The following CRYZL1 variants were observed in gnomAD, a reference collection of about 807,000 sequenced individuals.
CRYZL1 encodes the protein crystallin zeta like 1.
A neutral mutation model predicts 50.6 loss-of-function variants in CRYZL1; 34 were observed. The ratio of observed to expected loss-of-function variants is 0.67; its 90% CI spans 0.51 to 0.89. CRYZL1 has a LOEUF of 0.89. Ranked by LOEUF, CRYZL1 falls within the 40% of genes least tolerant of loss-of-function variation. The probability of loss-of-function intolerance (pLI) is 0.00; values close to 1 mark genes in which losing one functional copy is unlikely to be tolerated. For synonymous variants in CRYZL1, 125 were observed against 134.3 expected, an observed-to-expected ratio of 0.93 and a Z score of 0.48; for missense variants, 354 against 402.3, an observed-to-expected ratio of 0.88 and a Z score of 1.03.
chr21:33,638,036 G>A (rs957393265), intron 1 of CRYZL1, among the ~76,000 whole-genome samples: 7 of 151,866 alleles, frequency 4.6e-5, no homozygotes, highest in African/African-American at 1.7e-4. Context: ...TTTTAACAAT[G>A]TTCACATTAA....
chr21:33,600,630 T>C (rs1019223339), intron 8 of CRYZL1, among the ~76,000 whole-genome samples: 2 of 141,248 alleles, frequency 1.4e-5, no homozygotes, highest in African/African-American at 5.2e-5. Flanking sequence ...CCATTCATGC[T>C]TTTTTTTTTT....
chr21:33,614,759 A>T (rs1359382930), intron 5 of CRYZL1, among the ~76,000 whole-genome samples: 3 of 151,994 alleles, frequency 2.0e-5, no homozygotes, highest in African/African-American at 7.3e-5. Context: ...ATTAGTAGAG[A>T]CACAGTTTCA....
chr21:33,628,191 A>C (rs2087092152), intron 2 of CRYZL1, among the ~76,000 whole-genome samples: 2 of 152,242 alleles, frequency 1.3e-5, no homozygotes, highest in Admixed American at 1.3e-4. Context: ...ACCCTGAGGA[A>C]CTAAAAACTC....
intron 6 of CRYZL1, among the ~76,000 whole-genome samples, chr21:33,608,947 G>A (rs1299916847): frequency 1.3e-5 from 2 of 152,184 alleles, no homozygotes; most frequent in Non-Finnish European, 2.9e-5. Context: ...CATAATGACT[G>A]TACTAGTTTA....
intron 9 of CRYZL1, among the ~76,000 whole-genome samples, chr21:33,598,771 C>T (rs867127539): frequency 3.3e-5 from 5 of 150,934 alleles, no homozygotes; most frequent in South Asian, 2.1e-4. Flanking sequence ...AACACAAATT[C>T]GTAACTTTCT....
intron 3 of CRYZL1, among the ~76,000 whole-genome samples, chr21:33,622,876 C>G (rs1255633649): frequency 6.6e-6 from 1 of 151,656 alleles, no homozygotes; most frequent in Non-Finnish European, 1.5e-5. Context: ...GGTCAGAAGT[C>G]TCTTTTTCAA....
chr21:33,604,133 C>T (rs62227713), intron 6 of CRYZL1, among the ~76,000 whole-genome samples: 30,989 of 151,694 alleles, frequency 0.2, 3,734 homozygotes, highest in Non-Finnish European at 0.26. Flanking sequence ...TTTGGGAGGC[C>T]GAGGCGGGCG....
rs1188785012 is a variant in CRYZL1 at position 33,622,015 on chromosome 21, A to G, written c.198T>C (p.Ile66=). 5.0e-6 allele frequency: 8 copies of G among 1,611,382 alleles called. No homozygotes were observed. Among genetic ancestry groups the G allele is most frequent in the Non-Finnish European group, 6.8e-6 (8 of 1,177,756 alleles). The change falls in exon 4 of 13, where the codon ATT becomes ATC. Residue 66 remains isoleucine, a synonymous_variant. Transcript: ENST00000381554. ...KKDLFPVGRE[I]AGIVLDVGSK... ...ACTTACCATCTAATACAATTCCAGCAATTTCTCTCCCAACAGGAAATAAAT... is the reference window on the plus strand; with the variant it reads ...ACTTACCATCTAATACAATTCCAGCGATTTCTCTCCCAACAGGAAATAAAT...
At chr21:33,624,371 AC>A (rs1447993543) in intron 3 of CRYZL1, among the ~76,000 whole-genome samples, 1 of 152,064 alleles carries the variant, frequency 6.6e-6, no homozygotes, top group Admixed American at 6.6e-5. Context: ...ACATGGCAAA[AC>A]CCATTTTTAT....
Position 33,616,741 on chromosome 21 carries a change from T to A in CRYZL1, c.227A>T (p.Lys76Met), listed in dbSNP as rs2086938272. 6.2e-7 allele frequency: 1 copy of A among 1,606,454 alleles called. No homozygotes were observed. The highest frequency in any genetic ancestry group is 1.7e-5 in the Admixed American group (1 of 59,638). ...IAGIVLDVGS[K>M]VSFFQPDDEV... ...ATCATCTGGTTGAAAGAATGATACC[T>A]TGCTTCCAACTAAAGAGTGAAGAAA... is the stretch of plus-strand genomic sequence containing the variant. Residue 76 changes from lysine to methionine, a missense_variant, in exon 5 of 13, where the codon AAG (lysine) becomes ATG (methionine). Lys to Met is a moderately conservative substitution (Grantham distance 95). Coordinates refer to ENST00000381554, the MANE Select transcript of CRYZL1 (RefSeq NM_145858.3).
intron 6 of CRYZL1, 107 bp downstream of exon 6, chr21:33,613,427 CTTTA>C (rs2086893844): frequency 1.1e-5 from 8 of 699,216 alleles, no homozygotes; most frequent in Non-Finnish European, 1.9e-5. Flanking sequence ...GCTAATGATA[CTTTA>C]TTAAGTACAA....
intron 4 of CRYZL1, among the ~76,000 whole-genome samples, chr21:33,618,835 C>T (rs932346112): frequency 6.6e-6 from 1 of 152,000 alleles, no homozygotes; most frequent in Non-Finnish European, 1.5e-5. Context: ...TTCTTTCATA[C>T]TCCTCTTCTT....
chr21:33,596,985 TCA>T (rs1283990714), intron 10 of CRYZL1, among the ~76,000 whole-genome samples: 1 of 151,648 alleles, frequency 6.6e-6, no homozygotes, highest in African/African-American at 2.4e-5. Context: ...GCCTCAGCCC[TCA>T]GTCTCTCAAG....
chr21:33,612,042 T>C (rs1350060765), intron 6 of CRYZL1, among the ~76,000 whole-genome samples: 1 of 152,212 alleles, frequency 6.6e-6, no homozygotes, highest in African/African-American at 2.4e-5. Flanking sequence ...TGCTTGGTGA[T>C]GGACATTTGG....
intron 11 of CRYZL1, among the ~76,000 whole-genome samples, chr21:33,592,143 CTTT>C (rs1186073775): frequency 1.5e-5 from 2 of 129,422 alleles, no homozygotes; most frequent in Non-Finnish European, 1.7e-5. Context: ...TTTTTCAGAG[CTTT>C]TTTTTTTTTT....
At chr21:33,608,106 A>G (rs924667335) in intron 6 of CRYZL1, among the ~76,000 whole-genome samples, 1 of 152,242 alleles carries the variant, frequency 6.6e-6, no homozygotes, top group African/African-American at 2.4e-5. Flanking sequence ...TTTGAAATGT[A>G]CAATACTCTA....
At chr21:33,599,807 T>C (rs1601328212) in intron 8 of CRYZL1, among the ~76,000 whole-genome samples, 1 of 151,330 alleles carries the variant, frequency 6.6e-6, no homozygotes, top group Middle Eastern at 3.4e-3. Flanking sequence ...ATTTTTTTAA[T>C]TTTTTTTTGT....
chr21:33,610,776 G>A (rs1251384763), intron 6 of CRYZL1, among the ~76,000 whole-genome samples: 4 of 126,976 alleles, frequency 3.2e-5, no homozygotes, highest in Non-Finnish European at 4.7e-5. Context: ...CTCTGTCACC[G>A]AGGCTGGAGT....
intron 1 of CRYZL1, among the ~76,000 whole-genome samples, chr21:33,640,441 C>T (rs2087268360): frequency 6.6e-6 from 1 of 151,908 alleles, no homozygotes; most frequent in Non-Finnish European, 1.5e-5. Context: ...AGCGGTATGA[C>T]TTTGGGCTAC....
Sources: allele counts gnomAD v4.1 joint callset (sites outside exome capture counted in the v4.1 genomes callset), GRCh38; gene constraint gnomAD v4.1.1; transcripts MANE v1.5; gene names NCBI Gene and HGNC (gene_info 2026-07-23, HGNC 2026-07-21).